Variants in PCDH19 observed in about 807,000 individuals in gnomAD.
PCDH19 encodes protocadherin 19, also known as protocadherin-19.
PCDH19 carries 6 observed loss-of-function variants against 46.2 expected under a neutral mutation model. The observed-to-expected ratio is 0.13, with a 90% CI of 0.07 to 0.26. PCDH19 has a LOEUF of 0.26. Among genes scored for constraint, PCDH19 ranks in the 10% least tolerant of loss-of-function variants. PCDH19 has a pLI of 1.00. For synonymous variants in PCDH19, 481 were observed against 415.7 expected (o/e 1.16, Z -1.91); for missense variants, 740 against 972.3 (o/e 0.76, Z 3.18).
At chrX:100,376,247 A>G (rs1343284446) in intron 3 of PCDH19, among the ~76,000 whole-genome samples, 1 of 90,645 alleles carries the variant, frequency 1.1e-5, no homozygotes, top group African/African-American at 4.3e-5. Context: ...AAAAAAAAAA[A>G]AAAAAAAGAA....
chrX:100,333,183 G>GAGAAAGAAAGAAAGAA (rs755008766), intron 5 of PCDH19, among the ~76,000 whole-genome samples: 9 of 43,461 alleles, frequency 2.1e-4, no homozygotes, highest in East Asian at 1.1e-3. Context: ...GGGAGAGAGA[G>GAGAAAGAAAGAAAGAA]AGAAAGAAAG....
At chrX:100,362,839 T>C (rs1282228252) in intron 3 of PCDH19, among the ~76,000 whole-genome samples, 2 of 104,952 alleles carry the variant, frequency 1.9e-5, no homozygotes, top group Admixed American at 1.0e-4. Context: ...TTCTTGCAGA[T>C]GGTTATAAGC....
At chrX:100,327,877 C>T (rs973201267) in intron 5 of PCDH19, among the ~76,000 whole-genome samples, 11 of 111,489 alleles carry the variant, frequency 9.9e-5, no homozygotes, top group African/African-American at 2.6e-4. Context: ...TTCCATATCA[C>T]AATGATTTCA....
At chrX:100,335,865 T>C (rs1033927007) in intron 5 of PCDH19, among the ~76,000 whole-genome samples, 1 of 111,711 alleles carries the variant, frequency 9.0e-6, no homozygotes, top group Non-Finnish European at 1.9e-5. Context: ...GGAAATCACA[T>C]ATATAGAAAC....
At chrX:100,329,727 G>A (rs1925815438) in intron 5 of PCDH19, among the ~76,000 whole-genome samples, 2 of 110,111 alleles carry the variant, frequency 1.8e-5, no homozygotes, top group African/African-American at 6.6e-5. Context: ...GGCCAACATA[G>A]CGAAACCCCG....
At chrX:100,349,692 A>C (rs1380733667) in intron 4 of PCDH19, among the ~76,000 whole-genome samples, 1 of 112,608 alleles carries the variant, frequency 8.9e-6, no homozygotes, top group Non-Finnish European at 1.9e-5. Context: ...CTATTATTTT[A>C]ACAAACATAC....
At chrX:100,334,390 T>C (rs1249840324) in intron 5 of PCDH19, among the ~76,000 whole-genome samples, 1 of 112,097 alleles carries the variant, frequency 8.9e-6, no homozygotes, top group African/African-American at 3.2e-5. Flanking sequence ...ATAGAGACTT[T>C]TACAAATGTC....
At chrX:100,312,159 G>GA (rs1925153518) in intron 5 of PCDH19, among the ~76,000 whole-genome samples, 3 of 110,234 alleles carry the variant, frequency 2.7e-5, no homozygotes, top group African/African-American at 9.9e-5. Context: ...GTAAAACATT[G>GA]GATGGGAGAG....
Position 100,407,354 on chromosome X carries a change from T to C in PCDH19, c.1244A>G (p.Gln415Arg). 8.2e-7 allele frequency: 1 copy of C among 1,212,495 alleles called. No homozygotes were observed. The highest frequency in any genetic ancestry group is 1.1e-6 in the Non-Finnish European group (1 of 895,675). Residue 415 changes from glutamine to arginine, a missense_variant, in exon 1 of 6, where the codon CAG (glutamine) becomes CGG (arginine). By Grantham distance (43) the Gln-to-Arg change is conservative (BLOSUM62 1). This residue lies in a region of PCDH19 where 186 missense variants were observed against 319.9 expected (regional missense o/e 0.58). Coordinates refer to ENST00000373034, the MANE Select transcript of PCDH19 (RefSeq NM_001184880.2). The stretch of plus-strand genomic sequence containing the variant: ...AATTGTGAGGTTGTATTGGTCGTGC[T>C]GCTCGCGGTCCAGCCGTCCGTCCAC... ...ILVDGRLDRE[Q>R]HDQYNLTIQA...
At chrX:100,400,613 A>T (rs1346489510) in intron 3 of PCDH19, among the ~76,000 whole-genome samples, 1 of 112,399 alleles carries the variant, frequency 8.9e-6, no homozygotes, top group Non-Finnish European at 1.9e-5. Context: ...AATAATTATA[A>T]CTGAGTTTAC....
intron 4 of PCDH19, among the ~76,000 whole-genome samples, chrX:100,344,032 T>C (rs1313645251): frequency 1.8e-5 from 2 of 112,083 alleles, no homozygotes; most frequent in African/African-American, 3.2e-5. Context: ...TGTAGAATGC[T>C]TGCTGACCTG....
intron 3 of PCDH19, among the ~76,000 whole-genome samples, chrX:100,373,408 A>G (rs1439791215): frequency 8.8e-6 from 1 of 113,144 alleles, no homozygotes; most frequent in East Asian, 2.8e-4. Context: ...TCTGAAAGAA[A>G]GAATCATCTC....
At chrX:100,345,342 G>T (rs966514382) in intron 4 of PCDH19, among the ~76,000 whole-genome samples, 1 of 111,612 alleles carries the variant, frequency 9.0e-6, no homozygotes, top group African/African-American at 3.3e-5. Context: ...ACTATTATGT[G>T]TGTGTGTGTT....
chrX:100,315,045 C>G (rs1201315841), intron 5 of PCDH19, among the ~76,000 whole-genome samples: 1 of 112,135 alleles, frequency 8.9e-6, no homozygotes, highest in Non-Finnish European at 1.9e-5. Flanking sequence ...GGGAGGCAAT[C>G]TGAGACAATG....
At position 100,304,201 on chromosome X, in the gene PCDH19, C is replaced by T. The variant is rs758675887; in HGVS notation, c.2849-7326G>A. 4.8e-4 allele frequency among the ~76,000 whole-genome samples: 54 copies of T among 111,535 alleles called. 1 individual carries two copies. Among genetic ancestry groups the T allele is most frequent in the Admixed American group, 4.5e-3 (48 of 10,579 alleles). ...CTGCTAACTCCACTGGAGCAGGTGCCGATATCCACGGCTGAAAGACCTGAA... is the reference window on the plus strand; with the variant it reads ...CTGCTAACTCCACTGGAGCAGGTGCTGATATCCACGGCTGAAAGACCTGAA... On this transcript the variant is annotated intron_variant, in intron 5 of 5. Coordinates refer to ENST00000373034, the MANE Select transcript of PCDH19 (RefSeq NM_001184880.2).
chrX:100,371,011 GT>G (rs1927203697), intron 3 of PCDH19, among the ~76,000 whole-genome samples: 1 of 109,929 alleles, frequency 9.1e-6, no homozygotes, highest in East Asian at 2.8e-4. Context: ...GTGTGTGTGT[GT>G]GTGTGTGTGT....
At chrX:100,372,834 T>C (rs1927265492) in intron 3 of PCDH19, among the ~76,000 whole-genome samples, 1 of 112,201 alleles carries the variant, frequency 8.9e-6, no homozygotes, top group Non-Finnish European at 1.9e-5. Flanking sequence ...GAAAAATACT[T>C]AACTTTCATA....
rs1357217315 is a variant in PCDH19 at position 100,294,367 on chromosome X, G to T, written c.*1910C>A. 1 of 111,306 alleles carries T rather than the reference G, an allele frequency of 9.0e-6. No homozygotes were observed. The highest frequency in any genetic ancestry group is 1.9e-5 in the Non-Finnish European group (1 of 52,983). 9.2% of individuals were successfully genotyped at this position (111,306 alleles called of 1,213,427 possible). On this transcript the variant is annotated 3_prime_UTR_variant, in exon 6 of 6. Coordinates refer to ENST00000373034, the MANE Select transcript of PCDH19 (RefSeq NM_001184880.2). ...CAGCACTGAATAAGAAATAAGGATG[G>T]ATTTGTAGCTTCATTATAAGTTCTT...
At chrX:100,403,451 C>A in intron 2 of PCDH19, 73 bp downstream of exon 2, 1 of 1,064,066 alleles carries the variant, frequency 9.4e-7, no homozygotes, top group Non-Finnish European at 1.3e-6. Context: ...CTTTTACTCA[C>A]CCCCCGACCC....
Sources: gnomAD v4.1 joint callset for allele counts (sites outside exome capture counted in the v4.1 genomes callset) on GRCh38, gnomAD v4.1.1 for gene constraint, gnomAD v4.1.1 regional missense constraint, MANE v1.5 for transcripts, NCBI Gene and HGNC (gene_info 2026-07-23, HGNC 2026-07-21) for gene names.